SCN11A: variants seen among roughly 807,000 people sequenced by gnomAD.
The protein encoded by SCN11A is sodium channel protein type 11 subunit alpha.
A neutral mutation model predicts 162.2 loss-of-function variants in SCN11A; 122 were observed. That is an observed-to-expected ratio of 0.75 (90% CI 0.65 to 0.87). The LOEUF (loss-of-function observed/expected upper bound fraction) is 0.87, where lower values mean the gene tolerates loss of function less well. Among genes scored for constraint, SCN11A ranks in the 40% least tolerant of loss-of-function variants. SCN11A has a pLI of 0.00. For missense variants in SCN11A, 2,015 were observed against 2,181.6 expected, an observed-to-expected ratio of 0.92 and a Z score of 1.52; for synonymous variants, 758 against 751.5, an observed-to-expected ratio of 1.01 and a Z score of -0.14.
chr3:38,963,426 T>TATATATATATATATATGATGGAG (rs2066759417), intron 2 of SCN11A, among the ~76,000 whole-genome samples: 1 of 74,228 alleles, frequency 1.3e-5, no homozygotes, highest in Non-Finnish European at 2.3e-5. Context: ...ATGATGGAGA[T>TATATATATATATATATGATGGAG]ATATATATAT....
At chr3:38,888,850 T>C (rs2065445827) in intron 19 of SCN11A, among the ~76,000 whole-genome samples, 1 of 152,180 alleles carries the variant, frequency 6.6e-6, no homozygotes, top group African/African-American at 2.4e-5. Context: ...GGCTCCACTC[T>C]AGACCAAGGT....
rs1478302950 is a variant in SCN11A at position 38,910,192 on chromosome 3, T to G, written c.975A>C (p.Gln325His). 6.2e-7 allele frequency: 1 copy of G among 1,613,358 alleles called. No individual in the cohort carries two copies. The highest frequency in any genetic ancestry group is 1.7e-5 in the Admixed American group (1 of 59,968). ...TAATTTTGGTGTGCTTACATTCATA[T>G]TGTATGGAACAGGCACTAGATATTG... is the stretch of plus-strand genomic sequence containing the variant. ...IWMGNSACSI[Q>H]YECKHTKINP... is the part of the protein sequence containing the mutation. Residue 325 changes from glutamine (Q) to histidine (H), a missense_variant, in exon 12 of 30, where the codon CAA (glutamine) becomes CAC (histidine). Gln to His is a conservative substitution (Grantham distance 24). Transcript: ENST00000302328.
intron 1 of SCN11A, among the ~76,000 whole-genome samples, chr3:39,041,435 G>A (rs76395807): frequency 0.035 from 5,373 of 152,158 alleles, 306 homozygotes; most frequent in African/African-American, 0.12. Flanking sequence ...AAGACAAAGA[G>A]AGAATTTTTA....
intron 2 of SCN11A, among the ~76,000 whole-genome samples, chr3:38,993,948 T>C (rs1046123313): frequency 2.6e-5 from 4 of 152,254 alleles, no homozygotes; most frequent in African/African-American, 9.6e-5. Context: ...TTTTGCAGCA[T>C]CTTCCATGCA....
chr3:38,852,240 T>C (rs984334941), intron 28 of SCN11A, among the ~76,000 whole-genome samples: 2 of 152,176 alleles, frequency 1.3e-5, no homozygotes, highest in African/African-American at 2.4e-5. Flanking sequence ...TTTCGAACCA[T>C]GTGCTGGGAG....
intron 2 of SCN11A, among the ~76,000 whole-genome samples, chr3:38,998,825 C>T (rs1465981219): frequency 6.8e-6 from 1 of 146,996 alleles, no homozygotes; most frequent in East Asian, 2.0e-4. Context: ...CCAAACACCA[C>T]ATGTTCTCAC....
intron 19 of SCN11A, among the ~76,000 whole-genome samples, chr3:38,889,011 T>A (rs556998526): frequency 5.3e-5 from 8 of 152,270 alleles, no homozygotes; most frequent in African/African-American, 9.6e-5. Flanking sequence ...AAATTTTTTT[T>A]AATGAAATTG....
chr3:38,867,586 C>T (rs2065062164), intron 26 of SCN11A, 128 bp from the exon 27 acceptor site: 1 of 661,452 alleles, frequency 1.5e-6, no homozygotes. Flanking sequence ...CTCTTCCTAA[C>T]AGCCATAGCC....
chr3:38,914,319 G>T (rs951576000), intron 11 of SCN11A, among the ~76,000 whole-genome samples: 1 of 152,024 alleles, frequency 6.6e-6, no homozygotes, highest in Non-Finnish European at 1.5e-5. Flanking sequence ...GAATGCTAGT[G>T]GTTTTCGTAC....
intron 16 of SCN11A, 85 bp from the exon 17 acceptor site, chr3:38,900,158 A>C: frequency 9.9e-7 from 1 of 1,011,682 alleles, no homozygotes; most frequent in African/African-American, 1.6e-5. Context: ...CAGAGGTTAC[A>C]ATGAAATGAA....
chr3:38,977,965 C>T (rs2066859169), intron 2 of SCN11A, among the ~76,000 whole-genome samples: 1 of 152,196 alleles, frequency 6.6e-6, no homozygotes, highest in South Asian at 2.1e-4. Flanking sequence ...ATTCTCAATG[C>T]TTTCAGAAAA....
intron 2 of SCN11A, among the ~76,000 whole-genome samples, chr3:38,990,619 C>T (rs1467120067): frequency 1.3e-5 from 2 of 152,126 alleles, no homozygotes; most frequent in Non-Finnish European, 2.9e-5. Context: ...AGAACAATAA[C>T]AATAGTAAAC....
At chr3:39,043,977 C>T (rs2032122113) in intron 1 of SCN11A, among the ~76,000 whole-genome samples, 1 of 152,018 alleles carries the variant, frequency 6.6e-6, no homozygotes, top group African/African-American at 2.4e-5. Flanking sequence ...ATGAATACAC[C>T]TACTATGTAC....
At chr3:38,884,548 T>C (rs1480688012) in intron 21 of SCN11A, among the ~76,000 whole-genome samples, 1 of 152,252 alleles carries the variant, frequency 6.6e-6, no homozygotes, top group African/African-American at 2.4e-5. Flanking sequence ...CCGGCTTCTA[T>C]TCTTACACTA....
intron 9 of SCN11A, among the ~76,000 whole-genome samples, chr3:38,924,248 A>C (rs2066100805): frequency 1.3e-5 from 2 of 150,948 alleles, no homozygotes; most frequent in Non-Finnish European, 3.0e-5. Context: ...TTTAGACCTT[A>C]GGCTGGAGTG....
intron 4 of SCN11A, among the ~76,000 whole-genome samples, chr3:38,952,249 AG>A (rs1220456072): frequency 6.6e-6 from 1 of 152,224 alleles, no homozygotes; most frequent in East Asian, 1.9e-4. Flanking sequence ...GTTTGTTAAT[AG>A]GGTTACTCTA....
At chr3:38,975,192 TA>T (rs1178694996) in intron 2 of SCN11A, among the ~76,000 whole-genome samples, 2 of 151,836 alleles carry the variant, frequency 1.3e-5, no homozygotes, top group African/African-American at 4.8e-5. Flanking sequence ...AATTTACCAT[TA>T]AAAGATCCTC....
At chr3:39,034,577 T>C (rs1221762156) in intron 1 of SCN11A, among the ~76,000 whole-genome samples, 1 of 152,222 alleles carries the variant, frequency 6.6e-6, no homozygotes, top group Non-Finnish European at 1.5e-5. Context: ...ATCACTGTTA[T>C]TGAATATTTT....
At chr3:38,853,416 T>A (rs1331596258) in intron 28 of SCN11A, among the ~76,000 whole-genome samples, 2 of 152,212 alleles carry the variant, frequency 1.3e-5, no homozygotes, top group African/African-American at 4.8e-5. Context: ...TGAAGTCCCA[T>A]AAACCGCTGG....
Sources: allele counts gnomAD v4.1 joint callset (sites outside exome capture counted in the v4.1 genomes callset), GRCh38; gene constraint gnomAD v4.1.1; transcripts MANE v1.5; gene names NCBI Gene and HGNC (gene_info 2026-07-23, HGNC 2026-07-21).